Variants in LMCD1 observed in about 807,000 individuals in gnomAD.
LMCD1 encodes the protein LIM and cysteine-rich domains protein 1.
Under a neutral mutation model 42.7 loss-of-function variants are expected in LMCD1, and 32 were observed. That is an observed-to-expected ratio of 0.75 (90% confidence interval 0.57 to 1.01). The LOEUF is 1.01. Among genes scored for constraint, LMCD1 ranks in the 50% least tolerant of loss-of-function variants. LMCD1 has a pLI of 0.00. For synonymous variants in LMCD1, 178 were observed against 184.9 expected (o/e 0.96, Z 0.30); for missense variants, 458 against 483.1 (o/e 0.95, Z 0.49).
rs74278697 is a variant in LMCD1 at position 8,554,043 on chromosome 3, C to T, written c.723+5140C>T. Among the ~76,000 whole-genome samples the T allele has an allele frequency of 2.2e-4, 33 of 152,240 alleles. No individual in the cohort carries two copies. In the East Asian group the frequency reaches 6.0e-3, roughly 28 times the overall value. On this transcript the variant is annotated intron_variant, in intron 4 of 5. Transcript: ENST00000157600. ...CAGGCACTGTGTAAGGTCTCAATCT[C>T]TTTATTTTTATTTTTTTAGATACAC...
At chr3:8,526,248 G>A (rs1694297238) in intron 1 of LMCD1, among the ~76,000 whole-genome samples, 1 of 152,188 alleles carries the variant, frequency 6.6e-6, no homozygotes, top group Non-Finnish European at 1.5e-5. Context: ...TGTGTGAGTT[G>A]AGAAAAACGT....
intron 1 of LMCD1, among the ~76,000 whole-genome samples, chr3:8,510,932 C>A (rs189356270): frequency 6.6e-6 from 1 of 152,318 alleles, no homozygotes; most frequent in Middle Eastern, 3.4e-3. Flanking sequence ...CAGCATTACA[C>A]GCCACACACA....
intron 2 of LMCD1, among the ~76,000 whole-genome samples, chr3:8,534,381 A>C (rs1694473363): frequency 6.6e-6 from 1 of 152,092 alleles, no homozygotes; most frequent in Non-Finnish European, 1.5e-5. Context: ...GAAGTCTCTT[A>C]GCATTGTTTT....
chr3:8,504,484 AG>A (rs1464355325), intron 1 of LMCD1, among the ~76,000 whole-genome samples: 1 of 152,248 alleles, frequency 6.6e-6, no homozygotes, highest in Non-Finnish European at 1.5e-5. Flanking sequence ...CCTACCCCCG[AG>A]GGGGCTGGGG....
chr3:8,546,675 G>A (rs530564802), intron 3 of LMCD1, among the ~76,000 whole-genome samples: 14 of 152,280 alleles, frequency 9.2e-5, no homozygotes, highest in Admixed American at 2.0e-4. Context: ...TAAGGACTAG[G>A]GAGAGACCAA....
chr3:8,549,383 G>A (rs1694798872), intron 4 of LMCD1, among the ~76,000 whole-genome samples: 1 of 152,132 alleles, frequency 6.6e-6, no homozygotes, highest in Non-Finnish European at 1.5e-5. Context: ...CATGCTTGGG[G>A]AGCTGGGGAC....
intron 3 of LMCD1, 96 bp from the exon 4 acceptor site, chr3:8,548,472 A>G: frequency 1.4e-6 from 1 of 739,316 alleles, no homozygotes; most frequent in Non-Finnish European, 2.1e-6. Context: ...GCTGGAAGAG[A>G]ATGCATTTTC....
At chr3:8,551,376 T>C (rs1381740490) in intron 4 of LMCD1, 2 of 980,090 alleles carry the variant, frequency 2.0e-6, no homozygotes, top group African/African-American at 3.5e-5. Context: ...AAGCCCCTGC[T>C]CTGTGCCAAA....
intron 1 of LMCD1, among the ~76,000 whole-genome samples, chr3:8,502,737 G>A (rs138514123): frequency 6.6e-6 from 1 of 152,106 alleles, no homozygotes; most frequent in Admixed American, 6.5e-5. Context: ...AAGGTCATGG[G>A]TAAACTCCTG....
chr3:8,504,468 C>G (rs556173195), intron 1 of LMCD1, among the ~76,000 whole-genome samples: 1 of 152,322 alleles, frequency 6.6e-6, no homozygotes, highest in Admixed American at 6.5e-5. Flanking sequence ...AGGCTGTTTC[C>G]GCTTCCCTAC....
chr3:8,567,509 G>A lies in LMCD1; in HGVS notation c.1009G>A (p.Gly337Ser), dbSNP rs1559359421. ...AWHRKHFVCEGCEQLLSGRAY... is the reference protein window; with the variant it reads ...AWHRKHFVCESCEQLLSGRAY... ...GCACCGAAAGCACTTTGTCTGTGAG[G>A]GTTGTGAGCAGCTGCTGAGCGGCCG... Residue 337 changes from glycine (G) to serine (S), a missense_variant, in exon 6 of 6, where the codon GGT (glycine) becomes AGT (serine). By Grantham distance (56) the Gly-to-Ser change is moderately conservative. Transcript: ENST00000157600. The A allele has an allele frequency of 6.8e-6, 11 of 1,613,846 alleles. No individual in the cohort carries two copies. Among genetic ancestry groups the A allele is most frequent in the Non-Finnish European group, 8.5e-6 (10 of 1,179,988 alleles).
intron 2 of LMCD1, among the ~76,000 whole-genome samples, chr3:8,533,546 A>G (rs1312877871): frequency 6.6e-6 from 1 of 152,050 alleles, no homozygotes; most frequent in Non-Finnish European, 1.5e-5. Context: ...AGTTTTTATC[A>G]CCACTGCTGT....
chr3:8,540,331 TG>T lies in LMCD1; in HGVS notation c.387+2892del, dbSNP rs1574963482. Among the ~76,000 whole-genome samples the T allele has an allele frequency of 2.0e-5, 3 of 152,338 alleles. No individual in the cohort carries two copies. In the East Asian group the frequency reaches 5.8e-4, roughly 29 times the overall value. On this transcript the variant is annotated intron_variant, in intron 3 of 5. Coordinates refer to ENST00000157600, the MANE Select transcript of LMCD1 (RefSeq NM_014583.4). ...AACAATAAGCCTAATTGTGGATATT[TG>T]TTAAGTATTTACTGTATACTAGCCA...
rs1044803223 is a variant in LMCD1 at position 8,510,687 on chromosome 3, G to A, written c.42+8707G>A. 2.0e-5 allele frequency among the ~76,000 whole-genome samples: 3 copies of A among 152,086 alleles called. No homozygotes were observed. The South Asian group carries it at 6.2e-4, about 32-fold the overall frequency. On this transcript the variant is annotated intron_variant, in intron 1 of 5. Coordinates refer to ENST00000157600, the MANE Select transcript of LMCD1 (RefSeq NM_014583.4). ...TACAATTTATACTCATCCCTGCTCTGAAATGGCCATAATTATACCCACTGC... is the reference window on the plus strand; with the variant it reads ...TACAATTTATACTCATCCCTGCTCTAAAATGGCCATAATTATACCCACTGC...
At chr3:8,564,135 G>A (rs896460421) in intron 4 of LMCD1, among the ~76,000 whole-genome samples, 2 of 152,122 alleles carry the variant, frequency 1.3e-5, no homozygotes, top group African/African-American at 4.8e-5. Flanking sequence ...ATCAATATTG[G>A]TTAATTAATT....
rs554225096 is a variant in LMCD1 at position 8,572,213 on chromosome 3, G to A, written c.*4615G>A. ...AATTAGGTTTGTCAGATATTTCCTC[G>A]AAATTAGATTCAGCTTATGCATTTT... On this transcript the variant is annotated 3_prime_UTR_variant, in exon 6 of 6. Coordinates refer to ENST00000157600, the MANE Select transcript of LMCD1 (RefSeq NM_014583.4). The A allele has an allele frequency of 1.3e-5, 2 of 152,266 alleles. No homozygotes were observed. The highest frequency in any genetic ancestry group is 1.9e-4 in the East Asian group (1 of 5,186). The allele number at this position is 152,266 out of a possible 1,614,324, so 9.4% of individuals were successfully genotyped here. A position where few individuals can be genotyped will look rare whatever the true frequency, so the allele number is the denominator to read the frequency against.
At chr3:8,518,042 T>G (rs1366631852) in intron 1 of LMCD1, among the ~76,000 whole-genome samples, 1 of 151,390 alleles carries the variant, frequency 6.6e-6, no homozygotes, top group Non-Finnish European at 1.5e-5. Context: ...TTATGATCCA[T>G]TTTAAAGATG....
chr3:8,569,559 A>C lies in LMCD1; in HGVS notation c.*1961A>C, dbSNP rs1574980115. The C allele has an allele frequency of 6.6e-6, 1 of 152,312 alleles. No homozygotes were observed. The highest frequency in any genetic ancestry group is 1.5e-5 in the Non-Finnish European group (1 of 68,052). The allele number at this position is 152,312 out of a possible 1,614,324, so 9.4% of individuals were successfully genotyped here. On this transcript the variant is annotated 3_prime_UTR_variant, in exon 6 of 6. Transcript: ENST00000157600. Reference sequence around the variant, plus strand: ...TGTGGGGGAGATGGGCCTCAAGCAAATATTCTCACAAGTCAATGCAAAATT... The same window carrying C: ...TGTGGGGGAGATGGGCCTCAAGCAACTATTCTCACAAGTCAATGCAAAATT...
rs1695234403 is a variant in LMCD1 at position 8,572,451 on chromosome 3, T to A, written c.*4853T>A. 6.6e-6 allele frequency: 1 copy of A among 152,250 alleles called. No individual in the cohort carries two copies. The highest frequency in any genetic ancestry group is 2.1e-4 in the South Asian group (1 of 4,836). 9.4% of individuals were successfully genotyped at this position (152,250 alleles called of 1,614,324 possible). ...CTTTGAGACTATGTCAATGTCCTGTTCTTCATCAAAATTCCACTCACTCAT... is the reference window on the plus strand; with the variant it reads ...CTTTGAGACTATGTCAATGTCCTGTACTTCATCAAAATTCCACTCACTCAT... On this transcript the variant is annotated 3_prime_UTR_variant, in exon 6 of 6. Coordinates refer to ENST00000157600, the MANE Select transcript of LMCD1 (RefSeq NM_014583.4).
Sources: allele counts gnomAD v4.1 joint callset (sites outside exome capture counted in the v4.1 genomes callset), GRCh38; gene constraint gnomAD v4.1.1; transcripts MANE v1.5; gene names NCBI Gene and HGNC (gene_info 2026-07-23, HGNC 2026-07-21).